Variants in SIRPB1 observed in about 807,000 individuals in gnomAD.
SIRPB1 encodes signal-regulatory protein beta-1.
A neutral mutation model predicts 34.1 loss-of-function variants in SIRPB1; 28 were observed. The observed-to-expected ratio is 0.82, with a 90% confidence interval of 0.61 to 1.12. SIRPB1 has a LOEUF of 1.12. Among genes scored for constraint, SIRPB1 ranks in the 50% most tolerant of loss-of-function variants. The probability of loss-of-function intolerance (pLI) is 0.00; values close to 1 mark genes in which losing one functional copy is unlikely to be tolerated. For synonymous variants in SIRPB1, 211 were observed against 203.8 expected (o/e 1.04, Z -0.30); for missense variants, 499 against 507.0 (o/e 0.98, Z 0.15).
At chr20:1,618,512 G>A (rs1232582034) in intron 1 of SIRPB1, among the ~76,000 whole-genome samples, 1 of 152,224 alleles carries the variant, frequency 6.6e-6, no homozygotes, top group Non-Finnish European at 1.5e-5. Flanking sequence ...CAGGCAAAAT[G>A]CTAATAACTG....
Position 1,573,751 on chromosome 20 carries a change from C to G in SIRPB1, c.434-1714G>C, listed in dbSNP as rs553451981. ...TCCTCATGTGAGCCCTTGTGTAGGG[C>G]GAGACTCTGAGAGGATCCTTGGTGG... is the stretch of plus-strand genomic sequence containing the variant. On this transcript the variant is annotated intron_variant, in intron 2 of 5. Transcript: ENST00000381605. Among the ~76,000 whole-genome samples, 270 of 146,650 alleles carry G rather than the reference C, an allele frequency of 1.8e-3. 6 individuals carry two copies. Among genetic ancestry groups the G allele is most frequent in the African/African-American group, 6.1e-3 (248 of 40,500 alleles).
chr20:1,614,933 C>T (rs946403267), intron 1 of SIRPB1, among the ~76,000 whole-genome samples: 16 of 152,082 alleles, frequency 1.1e-4, no homozygotes, highest in Non-Finnish European at 1.6e-4. Flanking sequence ...TGCCATGGCT[C>T]TCCATCCTGA....
chr20:1,571,664 G>A, intron 3 of SIRPB1, 56 bp downstream of exon 3: 4 of 1,612,210 alleles, frequency 2.5e-6, no homozygotes, highest in Non-Finnish European at 2.5e-6. Flanking sequence ...CCTGGGGAGA[G>A]GGGAGTGGGC....
chr20:1,576,373 A>G (rs1330324822), intron 2 of SIRPB1, among the ~76,000 whole-genome samples: 1 of 147,998 alleles, frequency 6.8e-6, no homozygotes, highest in Non-Finnish European at 1.5e-5. Flanking sequence ...ATTTTTTTAA[A>G]AAGCTGTTAG....
intron 1 of SIRPB1, among the ~76,000 whole-genome samples, chr20:1,615,264 A>C (rs1188360943): frequency 6.6e-6 from 1 of 152,212 alleles, no homozygotes; most frequent in East Asian, 1.9e-4. Flanking sequence ...CATGATGGCC[A>C]GACATTTTCC....
chr20:1,571,902 A>G lies in SIRPB1; in HGVS notation c.569T>C (p.Leu190Pro). ...TLKWFKNGNE[L>P]SDFQTNVDPA... is the part of the protein sequence containing the mutation. The stretch of plus-strand genomic sequence containing the variant: ...GTCCACGTTGGTCTGGAAGTCTGAG[A>G]GCTCATTCCCATTTTTGAACCATTT... The change falls in exon 3 of 6, where the codon CTC (leucine) becomes CCC (proline). Residue 190 changes from leucine (L) to proline (P), a missense_variant. Transcript: ENST00000381605. 1 of 1,614,154 alleles carries G rather than the reference A, an allele frequency of 6.2e-7. No homozygotes were observed. The highest frequency in any genetic ancestry group is 1.1e-5 in the South Asian group (1 of 91,086).
At chr20:1,567,323 T>C (rs2091153643) in intron 4 of SIRPB1, among the ~76,000 whole-genome samples, 1 of 151,988 alleles carries the variant, frequency 6.6e-6, no homozygotes, top group South Asian at 2.1e-4. Flanking sequence ...GGCCAGCCCT[T>C]CCCCTCAATT....
Position 1,562,527 on chromosome 20 carries a change from G to A in SIRPB1, c.*2973C>T, listed in dbSNP as rs2091089879. Reference sequence around the variant, plus strand: ...TTCTCACTTTGGTGATGACATGCATGCATTTCTCTTACCATAGTTTAGTTA... The same window carrying A: ...TTCTCACTTTGGTGATGACATGCATACATTTCTCTTACCATAGTTTAGTTA... On this transcript the variant is annotated 3_prime_UTR_variant, in exon 6 of 6. Coordinates refer to ENST00000381605, the MANE Select transcript of SIRPB1 (RefSeq NM_006065.5). Among the ~76,000 whole-genome samples the A allele has an allele frequency of 6.6e-6, 1 of 151,212 alleles. No individual in the cohort carries two copies. Among genetic ancestry groups the A allele is most frequent in the Non-Finnish European group, 1.5e-5 (1 of 67,966 alleles).
In SIRPB1 at chr20:1,578,548, G is replaced by A. The variant is rs776573667; in HGVS notation, c.223C>T (p.Arg75Trp). The A allele has an allele frequency of 6.9e-6, 11 of 1,583,650 alleles. No homozygotes were observed. The Admixed American group carries it at 8.4e-5, about 12-fold the overall frequency. Residue 75 changes from arginine to tryptophan, a missense_variant, in exon 2 of 6, where the codon CGG becomes TGG. Physicochemically the swap from Arg to Trp is moderately radical, Grantham distance 101. Coordinates refer to ENST00000381605, the MANE Select transcript of SIRPB1 (RefSeq NM_006065.5). ...IMWFRGAGAG[R>W]ELIYNQKEGH... The stretch of plus-strand genomic sequence containing the variant: ...TCTTTCTGATTGTAGATTAATTCCC[G>A]GCCTGCTCCAGCTCCTCTAAACCAC...
chr20:1,566,302 G>A (rs1222079892), intron 4 of SIRPB1, 35 bp from the exon 5 acceptor site: 1 of 1,399,184 alleles, frequency 7.1e-7, no homozygotes, highest in Admixed American at 1.9e-5. Flanking sequence ...CCATGAGAGG[G>A]GCCACCTGGG....
In SIRPB1 at chr20:1,619,962, C is replaced by A; in HGVS notation, c.-18G>T. 1 of 1,609,262 alleles carries A rather than the reference C, an allele frequency of 6.2e-7. No individual in the cohort carries two copies. Among genetic ancestry groups the A allele is most frequent in the Admixed American group, 1.7e-5 (1 of 58,998 alleles). ...ACGGGCATTCTGGAGACCTTAGGAGCCTGCTCTGTCCAAACGTCTGTGCTG... is the reference window on the plus strand; with the variant it reads ...ACGGGCATTCTGGAGACCTTAGGAGACTGCTCTGTCCAAACGTCTGTGCTG... On this transcript the variant is annotated 5_prime_UTR_variant, in exon 1 of 6. Transcript: ENST00000381605.
intron 1 of SIRPB1, among the ~76,000 whole-genome samples, chr20:1,615,235 T>C (rs1433816653): frequency 6.6e-6 from 1 of 152,236 alleles, no homozygotes; most frequent in Non-Finnish European, 1.5e-5. Context: ...TTCATGCCTC[T>C]TGGAGTCTCT....
At chr20:1,617,934 T>C (rs935792630) in intron 1 of SIRPB1, among the ~76,000 whole-genome samples, 2 of 152,154 alleles carry the variant, frequency 1.3e-5, no homozygotes, top group African/African-American at 4.8e-5. Context: ...CATATACATA[T>C]GTATACACAC....
chr20:1,608,647 C>T (rs2122292634), intron 1 of SIRPB1, among the ~76,000 whole-genome samples: 1 of 143,736 alleles, frequency 7.0e-6, no homozygotes, highest in Admixed American at 7.0e-5. Context: ...GAGGAAACAA[C>T]ACAACATGGG....
At chr20:1,593,945 T>C (rs184937736) in intron 1 of SIRPB1, among the ~76,000 whole-genome samples, 1,492 of 48,248 alleles carry the variant, frequency 0.031, 702 homozygotes, top group African/African-American at 0.2. Context: ...TGGCTCACAC[T>C]TGTAACCCCA....
At chr20:1,572,643 A>G (rs2091259949) in intron 2 of SIRPB1, among the ~76,000 whole-genome samples, 1 of 152,044 alleles carries the variant, frequency 6.6e-6, no homozygotes, top group African/African-American at 2.4e-5. Context: ...AAAAACACAG[A>G]TCTATCTTTA....
At position 1,612,151 on chromosome 20, in the gene SIRPB1, T is replaced by C. The variant is rs1254032699; in HGVS notation, c.76+7718A>G. On this transcript the variant is annotated intron_variant, in intron 1 of 5. Transcript: ENST00000381605. ...CTGGGACCACAGGTGCGTTCCACCATACCTGGCCAATTTTTGTGTTTTTTG... is the reference window on the plus strand; with the variant it reads ...CTGGGACCACAGGTGCGTTCCACCACACCTGGCCAATTTTTGTGTTTTTTG... 5.6e-5 allele frequency among the ~76,000 whole-genome samples: 4 copies of C among 71,232 alleles called. 1 individual carries two copies. The highest frequency in any genetic ancestry group is 1.0e-4 in the Non-Finnish European group (4 of 38,178). The allele number at this position is 71,232 out of a possible 152,430, so 46.7% of individuals were successfully genotyped here. A position where few individuals can be genotyped will look rare whatever the true frequency, so the allele number is the denominator to read the frequency against.
chr20:1,573,752 G>T (rs1321281091), intron 2 of SIRPB1, among the ~76,000 whole-genome samples: 1 of 146,422 alleles, frequency 6.8e-6, no homozygotes, highest in East Asian at 1.9e-4. Context: ...TGTGTAGGGC[G>T]AGACTCTGAG....
At position 1,601,656 on chromosome 20, in the gene SIRPB1, C is replaced by A. The variant is rs1227949871; in HGVS notation, c.76+18213G>T. 8.1e-5 allele frequency among the ~76,000 whole-genome samples: 4 copies of A among 49,154 alleles called. 2 individuals carry two copies. The highest frequency in any genetic ancestry group is 2.7e-4 in the Admixed American group (2 of 7,372). The allele number at this position is 49,154 out of a possible 152,430, so 32.2% of individuals were successfully genotyped here. A position where few individuals can be genotyped will look rare whatever the true frequency, so the allele number is the denominator to read the frequency against. ...TAGCACATGAGCAAGGATGCTACAT[C>A]CAGCACACTGAAAGCACCCAAAAAT... On this transcript the variant is annotated intron_variant, in intron 1 of 5. Transcript: ENST00000381605.
Sources: gnomAD v4.1 joint callset for allele counts (sites outside exome capture counted in the v4.1 genomes callset) on GRCh38, gnomAD v4.1.1 for gene constraint, MANE v1.5 for transcripts, NCBI Gene and HGNC (gene_info 2026-07-23, HGNC 2026-07-21) for gene names.